The following KLHL1 variants were observed in gnomAD, a reference collection of about 807,000 sequenced individuals.
The protein encoded by KLHL1 is kelch like family member 1.
In KLHL1, 47 loss-of-function variants were observed where a neutral mutation model predicts 77.7. The ratio of observed to expected loss-of-function variants is 0.60; its 90% CI spans 0.48 to 0.77. KLHL1 has a LOEUF of 0.77. Ranked by LOEUF, KLHL1 falls within the 30% of genes least tolerant of loss-of-function variation. The pLI, the probability that KLHL1 is intolerant of heterozygous loss-of-function variation, is 0.00. For synonymous variants in KLHL1, 360 were observed against 325.2 expected (o/e 1.11, Z -1.15); for missense variants, 925 against 910.8 (o/e 1.02, Z -0.20).
chr13:69,708,938 G>T (rs1468523550), intron 9 of KLHL1, among the ~76,000 whole-genome samples: 1 of 151,756 alleles, frequency 6.6e-6, no homozygotes, highest in East Asian at 1.9e-4. Context: ...AACAAATGAA[G>T]AAATAAAAAT....
chr13:69,847,401 T>C (rs1879506946), intron 5 of KLHL1, among the ~76,000 whole-genome samples: 1 of 43,904 alleles, frequency 2.3e-5, no homozygotes, highest in South Asian at 1.2e-3. Flanking sequence ...AATACTGCAT[T>C]AGCAAAAAAA....
intron 5 of KLHL1, among the ~76,000 whole-genome samples, chr13:69,863,596 A>G (rs1156780684): frequency 6.6e-6 from 1 of 151,996 alleles, no homozygotes; most frequent in Non-Finnish European, 1.5e-5. Context: ...TTTGCTCTCC[A>G]TGATTCTTAA....
chr13:69,908,590 T>C (rs1259233687), intron 4 of KLHL1, among the ~76,000 whole-genome samples: 2 of 146,848 alleles, frequency 1.4e-5, no homozygotes, highest in African/African-American at 2.7e-5. Flanking sequence ...TATAGACAAA[T>C]AAAAGGAAAT....
intron 1 of KLHL1, among the ~76,000 whole-genome samples, chr13:70,090,319 A>G (rs1245952835): frequency 6.6e-6 from 1 of 152,066 alleles, no homozygotes; most frequent in East Asian, 1.9e-4. Context: ...TGAAGTGAGA[A>G]CAGGCTTCAT....
intron 1 of KLHL1, among the ~76,000 whole-genome samples, chr13:70,007,426 C>T (rs1272375081): frequency 6.6e-6 from 1 of 150,442 alleles, no homozygotes; most frequent in East Asian, 1.9e-4. Context: ...TCCTGGGCAA[C>T]ACAGCAATAT....
chr13:69,957,470 T>C (rs1369023221), intron 3 of KLHL1, among the ~76,000 whole-genome samples: 1 of 151,782 alleles, frequency 6.6e-6, no homozygotes, highest in South Asian at 2.1e-4. Context: ...ATGCATTCGC[T>C]ATATTCCTTG....
intron 1 of KLHL1, among the ~76,000 whole-genome samples, chr13:70,021,539 T>G (rs1374237433): frequency 6.6e-6 from 1 of 152,118 alleles, no homozygotes; most frequent in African/African-American, 2.4e-5. Context: ...AAAGCATGAT[T>G]GCTGAATCTC....
intron 3 of KLHL1, among the ~76,000 whole-genome samples, chr13:69,947,890 T>C (rs1883580917): frequency 6.6e-6 from 1 of 152,148 alleles, no homozygotes; most frequent in Non-Finnish European, 1.5e-5. Context: ...AAACTGCTAA[T>C]GGAAAGAAAA....
intron 7 of KLHL1, among the ~76,000 whole-genome samples, chr13:69,759,914 T>C (rs1400245287): frequency 6.6e-6 from 1 of 152,114 alleles, no homozygotes; most frequent in East Asian, 1.9e-4. Flanking sequence ...ACTTAACAAA[T>C]TGTCATTAAT....
At chr13:69,721,079 A>ATATATATATATATATATACAC (rs1555300737) in intron 8 of KLHL1, among the ~76,000 whole-genome samples, 2 of 67,574 alleles carry the variant, frequency 3.0e-5, no homozygotes, top group African/African-American at 7.8e-5. Context: ...ATATATATAT[A>ATATATATATATATATATACAC]AAGCTATGTA....
chr13:70,061,061 C>T (rs768324149), intron 1 of KLHL1, among the ~76,000 whole-genome samples: 4 of 151,900 alleles, frequency 2.6e-5, no homozygotes, highest in Admixed American at 6.6e-5. Flanking sequence ...AATAGAATGC[C>T]GGTACCACAG....
intron 1 of KLHL1, among the ~76,000 whole-genome samples, chr13:70,078,552 CACAA>C (rs1887316637): frequency 6.6e-6 from 1 of 152,038 alleles, no homozygotes; most frequent in African/African-American, 2.4e-5. Context: ...TTGGCAGTCA[CACAA>C]ACAGTTTTCT....
At chr13:69,974,508 G>T (rs1210908351) in intron 2 of KLHL1, among the ~76,000 whole-genome samples, 1 of 151,592 alleles carries the variant, frequency 6.6e-6, no homozygotes, top group Non-Finnish European at 1.5e-5. Context: ...TGTTTCAAAT[G>T]AAAAAGAAAA....
In KLHL1 at chr13:69,847,404, C is replaced by CAAAAAAAAA. The variant is rs11357077; in HGVS notation, c.1228-8251_1228-8243dup. On this transcript the variant is annotated intron_variant, in intron 5 of 10. Transcript: ENST00000377844. The stretch of plus-strand genomic sequence containing the variant: ...TTAAGTTAGAGTAATACTGCATTAG[C>CAAAAAAAAA]AAAAAAAAAAAAAAAAAAAAAAACA... 3.3e-4 allele frequency among the ~76,000 whole-genome samples: 48 copies of CAAAAAAAAA among 145,894 alleles called. 1 individual carries two copies. The highest frequency in any genetic ancestry group is 6.9e-4 in the Admixed American group (10 of 14,442).
chr13:69,965,951 A>T (rs1332085343), intron 2 of KLHL1, among the ~76,000 whole-genome samples: 1 of 152,204 alleles, frequency 6.6e-6, no homozygotes, highest in African/African-American at 2.4e-5. Flanking sequence ...AAGTTAGTTT[A>T]TGAAGTTTAG....
intron 4 of KLHL1, among the ~76,000 whole-genome samples, chr13:69,900,148 C>T (rs1373254970): frequency 3.3e-5 from 5 of 152,070 alleles, no homozygotes; most frequent in Admixed American, 2.6e-4. Flanking sequence ...TATGGGTTTG[C>T]CTCTATGCCC....
chr13:69,963,153 C>T (rs1462498230), intron 2 of KLHL1, among the ~76,000 whole-genome samples: 2 of 152,082 alleles, frequency 1.3e-5, no homozygotes. Flanking sequence ...CCTTGAACCC[C>T]AGGGCTCAAA....
intron 1 of KLHL1, among the ~76,000 whole-genome samples, chr13:70,053,158 AT>A (rs925874627): frequency 6.6e-6 from 1 of 152,080 alleles, no homozygotes; most frequent in Non-Finnish European, 1.5e-5. Context: ...AACATACAGA[AT>A]TTCAAAAAAT....
chr13:69,988,848 G>A (rs1327597291), intron 1 of KLHL1, among the ~76,000 whole-genome samples: 2 of 151,906 alleles, frequency 1.3e-5, no homozygotes, highest in African/African-American at 4.8e-5. Flanking sequence ...ATAGATTGTG[G>A]ATATTAGAGC....
Sources: gnomAD v4.1 joint callset for allele counts (sites outside exome capture counted in the v4.1 genomes callset) on GRCh38, gnomAD v4.1.1 for gene constraint, MANE v1.5 for transcripts, NCBI Gene and HGNC (gene_info 2026-07-23, HGNC 2026-07-21) for gene names.